Variants in ERC2 observed in about 807,000 individuals in gnomAD.
ERC2 encodes the protein ERC protein 2.
In ERC2, 42 loss-of-function variants were observed where a neutral mutation model predicts 114.8. The observed-to-expected ratio is 0.37, with a 90% confidence interval of 0.29 to 0.47. The LOEUF (loss-of-function observed/expected upper bound fraction) is 0.47. ERC2 is among the 20% of genes least tolerant of loss of function. The probability of loss-of-function intolerance (pLI) is 0.99; values close to 1 mark genes in which losing one functional copy is unlikely to be tolerated. For synonymous variants in ERC2, 454 were observed against 425.5 expected (o/e 1.07, Z -0.82); for missense variants, 939 against 1,150.7 (o/e 0.82, Z 2.66).
intron 16 of ERC2, among the ~76,000 whole-genome samples, chr3:55,696,102 A>C (rs1341041393): frequency 6.6e-6 from 1 of 152,210 alleles, no homozygotes; most frequent in African/African-American, 2.4e-5. Flanking sequence ...GTTTCTCTTA[A>C]GGAGCAAGAA....
intron 13 of ERC2, among the ~76,000 whole-genome samples, chr3:55,898,442 G>T (rs2063947914): frequency 6.6e-6 from 1 of 152,152 alleles, no homozygotes; most frequent in African/African-American, 2.4e-5. Flanking sequence ...AGAAAGCCTA[G>T]GTCCCCATCA....
intron 2 of ERC2, among the ~76,000 whole-genome samples, chr3:56,415,560 C>A (rs933617694): frequency 2.0e-5 from 3 of 152,240 alleles, no homozygotes; most frequent in Non-Finnish European, 4.4e-5. Context: ...TTGGAATCCA[C>A]AGGTAAAACC....
intron 7 of ERC2, among the ~76,000 whole-genome samples, chr3:56,074,228 G>A (rs892063397): frequency 1.3e-5 from 2 of 151,996 alleles, no homozygotes; most frequent in Non-Finnish European, 2.9e-5. Context: ...TTCCTGCCAC[G>A]TCACTCTGAA....
intron 10 of ERC2, among the ~76,000 whole-genome samples, chr3:56,005,272 T>G (rs148141227): frequency 2.6e-5 from 4 of 152,108 alleles, no homozygotes; most frequent in Non-Finnish European, 4.4e-5. Context: ...TTACTTTAAT[T>G]CTAGTGACGT....
At chr3:55,853,760 A>G (rs1186296434) in intron 14 of ERC2, among the ~76,000 whole-genome samples, 1 of 152,088 alleles carries the variant, frequency 6.6e-6, no homozygotes, top group African/African-American at 2.4e-5. Context: ...GGCCAGGGAG[A>G]GGAGGAACGT....
At chr3:56,012,985 A>T (rs1222244503) in intron 8 of ERC2, among the ~76,000 whole-genome samples, 2 of 152,202 alleles carry the variant, frequency 1.3e-5, no homozygotes, top group African/African-American at 4.8e-5. Flanking sequence ...ACTAAATTAC[A>T]GTGGCCTCCA....
intron 14 of ERC2, among the ~76,000 whole-genome samples, chr3:55,866,800 C>T (rs1242027464): frequency 6.6e-6 from 1 of 152,034 alleles, no homozygotes; most frequent in East Asian, 1.9e-4. Context: ...ATTTAGCATT[C>T]AAGATGTCCA....
chr3:56,461,127 A>G (rs2063300711), intron 1 of ERC2, among the ~76,000 whole-genome samples: 1 of 152,178 alleles, frequency 6.6e-6, no homozygotes, highest in Non-Finnish European at 1.5e-5. Context: ...CACAGAGACC[A>G]GCACGGACAG....
intron 2 of ERC2, among the ~76,000 whole-genome samples, chr3:56,381,230 A>G (rs2059738490): frequency 6.6e-6 from 1 of 152,196 alleles, no homozygotes; most frequent in African/African-American, 2.4e-5. Flanking sequence ...TTAAAGTATT[A>G]TATGATTTGT....
intron 17 of ERC2, among the ~76,000 whole-genome samples, chr3:55,552,552 A>T (rs886247943): frequency 6.6e-6 from 1 of 151,880 alleles, no homozygotes; most frequent in Non-Finnish European, 1.5e-5. Flanking sequence ...GAAAAAATGC[A>T]CTTTATGTGA....
At chr3:55,539,201 G>A (rs777093508) in intron 17 of ERC2, among the ~76,000 whole-genome samples, 4 of 152,028 alleles carry the variant, frequency 2.6e-5, no homozygotes, top group Non-Finnish European at 5.9e-5. Flanking sequence ...AACGAAGGGT[G>A]CATAAAAGCC....
chr3:55,681,396 G>A (rs935979247), intron 17 of ERC2, among the ~76,000 whole-genome samples: 10 of 152,072 alleles, frequency 6.6e-5, no homozygotes, highest in Non-Finnish European at 1.5e-4. Flanking sequence ...TTCTTTTATA[G>A]GGGCCATAAA....
At chr3:55,942,510 G>A (rs2066876695) in intron 13 of ERC2, among the ~76,000 whole-genome samples, 1 of 150,548 alleles carries the variant, frequency 6.6e-6, no homozygotes, top group Admixed American at 6.6e-5. Context: ...TTTTAGCCGG[G>A]ATGGTCTCGA....
intron 17 of ERC2, among the ~76,000 whole-genome samples, chr3:55,654,606 G>A (rs2060778716): frequency 6.6e-6 from 1 of 152,226 alleles, no homozygotes; most frequent in Admixed American, 6.5e-5. Context: ...GAGTCTCGCA[G>A]ATCTTTCTGT....
chr3:55,683,125 A>T (rs914292521), intron 17 of ERC2, among the ~76,000 whole-genome samples: 3 of 152,248 alleles, frequency 2.0e-5, no homozygotes, highest in Non-Finnish European at 4.4e-5. Context: ...GCCTCATAGA[A>T]GTATAATTTT....
chr3:55,987,691 T>C (rs1171360221), intron 11 of ERC2, among the ~76,000 whole-genome samples: 1 of 152,236 alleles, frequency 6.6e-6, no homozygotes, highest in Non-Finnish European at 1.5e-5. Context: ...ATTATGTTAG[T>C]ACATTATTGA....
chr3:56,073,437 C>T (rs753901913), intron 7 of ERC2, among the ~76,000 whole-genome samples: 3 of 152,186 alleles, frequency 2.0e-5, no homozygotes, highest in Non-Finnish European at 4.4e-5. Context: ...CCAAAAATAT[C>T]TCCAGACATT....
At chr3:55,869,866 C>G (rs1480173720) in intron 14 of ERC2, among the ~76,000 whole-genome samples, 4 of 152,012 alleles carry the variant, frequency 2.6e-5, no homozygotes, top group Non-Finnish European at 5.9e-5. Flanking sequence ...CAAAACCCGT[C>G]ACAAGAAGAG....
At chr3:56,018,805 A>G in intron 8 of ERC2, 89 bp downstream of exon 8, 1 of 1,421,510 alleles carries the variant, frequency 7.0e-7, no homozygotes, top group Non-Finnish European at 9.6e-7. Flanking sequence ...AAAAGAAGAA[A>G]AGCAGGCACA....
Sources: gnomAD v4.1 joint callset for allele counts (sites outside exome capture counted in the v4.1 genomes callset) on GRCh38, gnomAD v4.1.1 for gene constraint, MANE v1.5 for transcripts, NCBI Gene and HGNC (gene_info 2026-07-23, HGNC 2026-07-21) for gene names.